Variants in TRPM3 observed in about 807,000 individuals in gnomAD.
The protein encoded by TRPM3 is transient receptor potential cation channel subfamily M member 3, also known as long transient receptor potential channel 3.
A neutral mutation model predicts 181.2 loss-of-function variants in TRPM3; 77 were observed. The ratio of observed to expected loss-of-function variants is 0.42; its 90% CI spans 0.35 to 0.51. The LOEUF is 0.51. Among genes scored for constraint, TRPM3 ranks in the 20% least tolerant of loss-of-function variants. TRPM3 has a pLI of 0.01. For missense variants in TRPM3, 1,759 were observed against 2,196.7 expected (o/e 0.80, Z 3.98); for synonymous variants, 745 against 796.4 (o/e 0.94, Z 1.09).
At chr9:71,385,974 T>C (rs1363899577) in intron 1 of TRPM3, among the ~76,000 whole-genome samples, 1 of 151,942 alleles carries the variant, frequency 6.6e-6, no homozygotes, top group Non-Finnish European at 1.5e-5. Flanking sequence ...CTCAAAGTGC[T>C]GGGATTACAG....
chr9:71,253,250 G>C (rs1291455648), intron 1 of TRPM3, among the ~76,000 whole-genome samples: 1 of 152,114 alleles, frequency 6.6e-6, no homozygotes, highest in Non-Finnish European at 1.5e-5. Flanking sequence ...TTCATCACTA[G>C]TTGAAAAGTT....
At chr9:71,430,711 T>C (rs915073274) in intron 1 of TRPM3, among the ~76,000 whole-genome samples, 1 of 152,022 alleles carries the variant, frequency 6.6e-6, no homozygotes, top group African/African-American at 2.4e-5. Flanking sequence ...GCTGGGAGGC[T>C]GGAGCAGGAG....
chr9:70,530,523 G>C lies in TRPM3; in HGVS notation c.*5430C>G, dbSNP rs2040734337. Reference sequence around the variant, plus strand: ...AGGGCCTGCAGGTTTAAGGAGGCTGGTAGACTAGGTAAGGTAAGGAAGGGA... The same window carrying C: ...AGGGCCTGCAGGTTTAAGGAGGCTGCTAGACTAGGTAAGGTAAGGAAGGGA... On this transcript the variant is annotated 3_prime_UTR_variant, in exon 26 of 26. Coordinates refer to ENST00000677713, the MANE Select transcript of TRPM3 (RefSeq NM_001366145.2). 1 of 152,216 alleles carries C rather than the reference G, an allele frequency of 6.6e-6. No homozygotes were observed. The highest frequency in any genetic ancestry group is 2.1e-4 in the South Asian group (1 of 4,830). 9.4% of individuals were successfully genotyped at this position (152,216 alleles called of 1,614,324 possible).
intron 3 of TRPM3, among the ~76,000 whole-genome samples, chr9:70,861,082 G>A (rs10780980): frequency 0.36 from 53,787 of 151,256 alleles, 9,891 homozygotes; most frequent in African/African-American, 0.39. Flanking sequence ...TTTTTAAAAG[G>A]TATTTTTTAA....
At chr9:71,071,497 G>T (rs912951468) in intron 1 of TRPM3, among the ~76,000 whole-genome samples, 8 of 152,130 alleles carry the variant, frequency 5.3e-5, no homozygotes, top group African/African-American at 1.9e-4. Flanking sequence ...ATCTACATGA[G>T]ACTACAATCT....
chr9:71,146,822 A>G (rs1449275783), intron 1 of TRPM3, among the ~76,000 whole-genome samples: 1 of 152,150 alleles, frequency 6.6e-6, no homozygotes. Flanking sequence ...TGATTTCTCC[A>G]AACTTTGACC....
chr9:70,856,536 G>C (rs550406472), intron 3 of TRPM3, among the ~76,000 whole-genome samples: 1 of 152,108 alleles, frequency 6.6e-6, no homozygotes, highest in Non-Finnish European at 1.5e-5. Context: ...CAATCCTAAA[G>C]GATATTAAGA....
At chr9:71,110,402 C>T (rs761819562) in intron 1 of TRPM3, among the ~76,000 whole-genome samples, 3 of 152,162 alleles carry the variant, frequency 2.0e-5, no homozygotes, top group Admixed American at 6.5e-5. Flanking sequence ...ATTCAAATTT[C>T]GTTGTTCATA....
chr9:70,582,778 C>T (rs2056227686), intron 22 of TRPM3, among the ~76,000 whole-genome samples: 1 of 152,172 alleles, frequency 6.6e-6, no homozygotes, highest in African/African-American at 2.4e-5. Flanking sequence ...CTGTACAGGG[C>T]TATTCTGAAG....
At chr9:70,786,188 G>C (rs1235303710) in intron 6 of TRPM3, among the ~76,000 whole-genome samples, 2 of 151,870 alleles carry the variant, frequency 1.3e-5, no homozygotes, top group African/African-American at 2.4e-5. Flanking sequence ...GGGCTGGCCA[G>C]GCACAGTGGC....
At chr9:70,975,446 G>A (rs2097293539) in intron 1 of TRPM3, among the ~76,000 whole-genome samples, 1 of 152,076 alleles carries the variant, frequency 6.6e-6, no homozygotes, top group South Asian at 2.1e-4. Context: ...CCTAGGGCTG[G>A]CTTCAAGTCA....
chr9:70,861,182 C>T (rs927102032), intron 3 of TRPM3, among the ~76,000 whole-genome samples: 1 of 152,114 alleles, frequency 6.6e-6, no homozygotes, highest in Non-Finnish European at 1.5e-5. Context: ...TTATGAATTT[C>T]AGGTACTTCT....
At chr9:71,245,640 A>G (rs1276191612) in intron 1 of TRPM3, among the ~76,000 whole-genome samples, 1 of 152,184 alleles carries the variant, frequency 6.6e-6, no homozygotes, top group Non-Finnish European at 1.5e-5. Flanking sequence ...CCAGGGCAGT[A>G]GTGGTGGAAA....
chr9:71,207,547 A>G (rs921875212), intron 1 of TRPM3, among the ~76,000 whole-genome samples: 1 of 152,146 alleles, frequency 6.6e-6, no homozygotes, highest in Non-Finnish European at 1.5e-5. Flanking sequence ...CAAGAGATAA[A>G]TGTGATATCC....
At position 71,045,483 on chromosome 9, in the gene TRPM3, C is replaced by T. The variant is rs144392552; in HGVS notation, c.177+75695G>A. Among the ~76,000 whole-genome samples the T allele has an allele frequency of 1.2e-4, 19 of 152,240 alleles. 1 individual carries two copies. In the East Asian group the frequency reaches 1.7e-3, roughly 14 times the overall value. On this transcript the variant is annotated intron_variant, in intron 1 of 25. Transcript: ENST00000677713. ...AAGTTTTCTTTCTCACATGAGTACCCGGTGTACAATTCGTTATATCACAGA... is the reference window on the plus strand; with the variant it reads ...AAGTTTTCTTTCTCACATGAGTACCTGGTGTACAATTCGTTATATCACAGA...
intron 1 of TRPM3, among the ~76,000 whole-genome samples, chr9:70,974,432 G>C (rs922087135): frequency 6.6e-6 from 1 of 151,942 alleles, no homozygotes; most frequent in Non-Finnish European, 1.5e-5. Context: ...CCAGCTACTC[G>C]GGAGGCTGAG....
intron 21 of TRPM3, among the ~76,000 whole-genome samples, chr9:70,593,311 A>T (rs2058448234): frequency 6.6e-6 from 1 of 152,220 alleles, no homozygotes; most frequent in Non-Finnish European, 1.5e-5. Flanking sequence ...TGAAAGTTTT[A>T]TAGAAAACAT....
At chr9:70,821,851 C>T (rs1360267872) in intron 6 of TRPM3, among the ~76,000 whole-genome samples, 1 of 152,134 alleles carries the variant, frequency 6.6e-6, no homozygotes, top group East Asian at 1.9e-4. Context: ...CAGATTGATG[C>T]CTATTCTACC....
intron 1 of TRPM3, among the ~76,000 whole-genome samples, chr9:71,149,236 CA>C (rs1181781321): frequency 6.6e-6 from 1 of 151,916 alleles, no homozygotes; most frequent in African/African-American, 2.4e-5. Flanking sequence ...CCAGTCTCTA[CA>C]AAAAATAATT....
Sources: allele counts gnomAD v4.1 joint callset (sites outside exome capture counted in the v4.1 genomes callset), GRCh38; gene constraint gnomAD v4.1.1; transcripts MANE v1.5; gene names NCBI Gene and HGNC (gene_info 2026-07-23, HGNC 2026-07-21).